ANXA4: variants seen among roughly 807,000 people sequenced by gnomAD.
The protein encoded by ANXA4 is annexin A4, also known as 35-beta calcimedin.
ANXA4 carries 39 observed loss-of-function variants against 49.8 expected under a neutral mutation model. The observed-to-expected ratio is 0.78, with a 90% CI of 0.61 to 1.02. The LOEUF (loss-of-function observed/expected upper bound fraction) is 1.02. ANXA4 is among the 50% of genes least tolerant of loss of function. ANXA4 has a pLI of 0.00. For synonymous variants in ANXA4, 134 were observed against 152.5 expected (o/e 0.88, Z 0.89); for missense variants, 360 against 410.1 (o/e 0.88, Z 1.05).
chr2:69,644,923 T>C (rs945533530), intron 1 of ANXA4: 4 of 152,218 alleles, frequency 2.6e-5, no homozygotes, highest in African/African-American at 9.7e-5. Context: ...GGTACACTTT[T>C]CCGACCTAGA....
intron 2 of ANXA4, among the ~76,000 whole-genome samples, chr2:69,714,064 A>C (rs1002289585): frequency 3.3e-5 from 5 of 152,232 alleles, no homozygotes; most frequent in African/African-American, 1.2e-4. Context: ...CAAAGACCAC[A>C]GTGCCTGGTG....
rs1395479460 is a variant in ANXA4, at chr2:69,656,288, C to CGT, written n.766+3006_766+3007insGT. On this transcript the variant is annotated intron_variant and non_coding_transcript_variant, in intron 2 of 3. Transcript: ENST00000418066. Reference sequence around the variant, plus strand: ...ATATATGTATATACGTATATATATACATATATGTATATATATGTATATATG... The same window carrying CGT: ...ATATATGTATATACGTATATATATACGTATATATGTATATATATGTATATATG... Among the ~76,000 whole-genome samples, 5 of 89,532 alleles carry CGT rather than the reference C, an allele frequency of 5.6e-5. No individual in the cohort carries two copies. In the East Asian group the frequency reaches 2.0e-3, roughly 36 times the overall value. The allele number at this position is 89,532 out of a possible 152,430, so 58.7% of individuals were successfully genotyped here.
intron 2 of ANXA4, among the ~76,000 whole-genome samples, chr2:69,783,567 CATT>C (rs1158029485): frequency 2.6e-5 from 4 of 152,128 alleles, no homozygotes; most frequent in Non-Finnish European, 4.4e-5. Flanking sequence ...TTTTTTAAAT[CATT>C]GTATTCAAGA....
At chr2:69,792,216 T>G (rs1672723778) in intron 3 of ANXA4, among the ~76,000 whole-genome samples, 1 of 152,214 alleles carries the variant, frequency 6.6e-6, no homozygotes, top group Non-Finnish European at 1.5e-5. Context: ...GAATTTTAGA[T>G]TACCAAAAGT....
intron 2 of ANXA4, among the ~76,000 whole-genome samples, chr2:69,673,637 C>G (rs749449390): frequency 1.3e-5 from 2 of 151,274 alleles, no homozygotes; most frequent in Non-Finnish European, 2.9e-5. Flanking sequence ...CACATGTACC[C>G]CAGAACTTAA....
intron 2 of ANXA4, among the ~76,000 whole-genome samples, chr2:69,716,649 G>A (rs76806355): frequency 0.074 from 11,243 of 152,158 alleles, 1,412 homozygotes; most frequent in African/African-American, 0.26. Context: ...GAACGGGTCT[G>A]AGAGACAGCA....
At chr2:69,815,254 T>G (rs1441017004) in intron 8 of ANXA4, 1 of 152,250 alleles carries the variant, frequency 6.6e-6, no homozygotes, top group Non-Finnish European at 1.5e-5. Flanking sequence ...AAGTGCTGAA[T>G]AAGATGAACT....
At chr2:69,750,753 C>A (rs145063674) in intron 1 of ANXA4, among the ~76,000 whole-genome samples, 80 of 152,276 alleles carry the variant, frequency 5.3e-4, no homozygotes, top group African/African-American at 1.9e-3. Flanking sequence ...TCCAGTGTGT[C>A]TTTAGCTGCA....
intron 2 of ANXA4, among the ~76,000 whole-genome samples, chr2:69,685,989 T>G (rs1164597505): frequency 6.6e-6 from 1 of 152,160 alleles, no homozygotes; most frequent in Non-Finnish European, 1.5e-5. Flanking sequence ...TATGTGGTAT[T>G]TCCACCACAC....
At chr2:69,721,385 C>T (rs1158122559) in intron 3 of ANXA4, among the ~76,000 whole-genome samples, 1 of 152,188 alleles carries the variant, frequency 6.6e-6, no homozygotes, top group East Asian at 1.9e-4. Flanking sequence ...TCACGTAGAG[C>T]AGCAATAACA....
chr2:69,723,024 T>G (rs58435173), intron 3 of ANXA4, among the ~76,000 whole-genome samples: 3 of 142,774 alleles, frequency 2.1e-5, no homozygotes, highest in African/African-American at 7.6e-5. Context: ...TACCAAAAAA[T>G]ATATATATAT....
chr2:69,824,510 A>G (rs1017585874), intron 12 of ANXA4, among the ~76,000 whole-genome samples: 208 of 152,082 alleles, frequency 1.4e-3, no homozygotes, highest in African/African-American at 4.5e-3. Flanking sequence ...CTCAGAAAAA[A>G]AAAAAAAAAA....
chr2:69,675,629 T>C (rs1211574383), intron 2 of ANXA4, among the ~76,000 whole-genome samples: 1 of 152,154 alleles, frequency 6.6e-6, no homozygotes, highest in Non-Finnish European at 1.5e-5. Flanking sequence ...GAAAGCAGAA[T>C]GACAGTTTCC....
intron 2 of ANXA4, among the ~76,000 whole-genome samples, chr2:69,712,036 C>A (rs1008149403): frequency 1.3e-5 from 2 of 151,712 alleles, no homozygotes; most frequent in African/African-American, 4.8e-5. Context: ...TTATTTTTTT[C>A]TCTTCATTCT....
chr2:69,796,876 G>C (rs1002307959), intron 3 of ANXA4, among the ~76,000 whole-genome samples: 2 of 152,136 alleles, frequency 1.3e-5, no homozygotes, highest in Non-Finnish European at 2.9e-5. Flanking sequence ...TGATTGCTAA[G>C]AGAGCTGAGT....
At position 69,807,975 on chromosome 2, in the gene ANXA4, A is replaced by G. The variant is rs776090398; in HGVS notation, c.376A>G (p.Ile126Val). The change falls in exon 6 of 13, where the codon ATA becomes GTA. Residue 126 changes from isoleucine to valine, a missense_variant. By Grantham distance (29) the Ile-to-Val change is conservative (BLOSUM62 3). Transcript: ENST00000394295. ...CCGGACCCCTGAGGAGATCCGGCGCATAAGCCAAACCTACCAGCAGCGTAC... is the reference window on the plus strand; with the variant it reads ...CCGGACCCCTGAGGAGATCCGGCGCGTAAGCCAAACCTACCAGCAGCGTAC... ...ASRTPEEIRR[I>V]SQTYQQQYGR... 20 of 1,614,176 alleles carry G rather than the reference A, an allele frequency of 1.2e-5. No individual in the cohort carries two copies. The highest frequency in any genetic ancestry group is 1.6e-5 in the Non-Finnish European group (19 of 1,180,016).
chr2:69,656,030 T>G (rs921689946), intron 2 of ANXA4, among the ~76,000 whole-genome samples: 7 of 151,574 alleles, frequency 4.6e-5, no homozygotes, highest in African/African-American at 7.3e-5. Context: ...TGTCAGTGGG[T>G]AGGGAGCTAA....
At chr2:69,644,177 C>G (rs541909637), upstream of ANXA4, among the ~76,000 whole-genome samples, 1 of 68,878 alleles carries the variant, frequency 1.5e-5, no homozygotes, top group East Asian at 3.5e-4. Context: ...CCCCCCCCCC[C>G]CCCCCGCTGT....
chr2:69,772,903 G>C (rs749252041), intron 1 of ANXA4, among the ~76,000 whole-genome samples: 1 of 152,002 alleles, frequency 6.6e-6, no homozygotes, highest in Non-Finnish European at 1.5e-5. Flanking sequence ...TGTGATCCAA[G>C]CTACTTGGGA....
Sources: gnomAD v4.1 joint callset for allele counts (sites outside exome capture counted in the v4.1 genomes callset) on GRCh38, gnomAD v4.1.1 for gene constraint, MANE v1.5 for transcripts, NCBI Gene and HGNC (gene_info 2026-07-23, HGNC 2026-07-21) for gene names.